FAM163A: variants seen among roughly 807,000 people sequenced by gnomAD.
FAM163A encodes the protein protein FAM163A.
In FAM163A, 7 loss-of-function variants were observed where a neutral mutation model predicts 12.0. The ratio of observed to expected loss-of-function variants is 0.58; its 90% CI spans 0.33 to 1.10. FAM163A has a LOEUF of 1.10. Ranked by LOEUF, FAM163A falls within the 50% of genes least tolerant of loss-of-function variation. The probability of loss-of-function intolerance (pLI) is 0.03; values close to 1 mark genes in which losing one functional copy is unlikely to be tolerated. For missense variants in FAM163A, 202 were observed against 218.6 expected (o/e 0.92, Z 0.48); for synonymous variants, 101 against 91.0 (o/e 1.11, Z -0.62).
intron 1 of FAM163A, among the ~76,000 whole-genome samples, chr1:179,768,466 G>T (rs938883315): frequency 1.3e-5 from 2 of 152,210 alleles, no homozygotes. Context: ...CTAACATGGT[G>T]TTAGTGAAAA....
At chr1:179,781,933 CAAA>C (rs58962319) in intron 1 of FAM163A, among the ~76,000 whole-genome samples, 41 of 119,394 alleles carry the variant, frequency 3.4e-4, no homozygotes, top group African/African-American at 9.8e-4. Context: ...GAATCCGTAT[CAAA>C]AAAAAAAAAA....
intron 1 of FAM163A, among the ~76,000 whole-genome samples, chr1:179,802,348 T>G (rs151180485): frequency 5.1e-4 from 78 of 152,330 alleles, no homozygotes; most frequent in African/African-American, 1.8e-3. Flanking sequence ...TCGCTGTTTC[T>G]CTTAGCACTG....
chr1:179,755,775 T>G (rs1216866430), intron 1 of FAM163A, among the ~76,000 whole-genome samples: 1 of 152,082 alleles, frequency 6.6e-6, no homozygotes, highest in African/African-American at 2.4e-5. Flanking sequence ...CATACAACCT[T>G]ACAGATGAGT....
chr1:179,782,172 C>T (rs1689867036), intron 1 of FAM163A, among the ~76,000 whole-genome samples: 1 of 152,088 alleles, frequency 6.6e-6, no homozygotes, highest in Non-Finnish European at 1.5e-5. Context: ...GGACAAGGAC[C>T]AGGCCTCTGT....
In FAM163A at chr1:179,762,965, A is replaced by G. The variant is rs114985176; in HGVS notation, c.-136+19542A>G. On this transcript the variant is annotated intron_variant, in intron 1 of 4. Coordinates refer to ENST00000341785, the MANE Select transcript of FAM163A (RefSeq NM_173509.3). ...CAAAAGACAAATCGACAGGAGAAAA[A>G]CAAATAGAAATTTGTCAACATGTAT... 7.6e-3 allele frequency among the ~76,000 whole-genome samples: 1,156 copies of G among 152,334 alleles called. 22 individuals are homozygous for G. The highest frequency in any genetic ancestry group is 0.026 in the African/African-American group (1,079 of 41,568).
intron 1 of FAM163A, among the ~76,000 whole-genome samples, chr1:179,746,869 T>C (rs1327297754): frequency 3.9e-5 from 6 of 152,130 alleles, no homozygotes; most frequent in Non-Finnish European, 8.8e-5. Flanking sequence ...TCCTTTGAAA[T>C]ATACAGAGTT....
At chr1:179,763,080 C>A (rs1687030301) in intron 1 of FAM163A, among the ~76,000 whole-genome samples, 2 of 152,152 alleles carry the variant, frequency 1.3e-5, no homozygotes. Context: ...CCATCTTCAG[C>A]TAAAGGCAAA....
At chr1:179,776,682 T>C (rs1689028871) in intron 1 of FAM163A, among the ~76,000 whole-genome samples, 1 of 152,198 alleles carries the variant, frequency 6.6e-6, no homozygotes, top group African/African-American at 2.4e-5. Flanking sequence ...TGCGAAATGG[T>C]CTTTAATTGG....
At chr1:179,737,262 A>G in the FAM163A span, among the ~76,000 whole-genome samples, 6 of 152,336 alleles carry the variant, frequency 3.9e-5, no homozygotes, top group African/African-American at 1.4e-4. Context: ...TTAGAAGAGG[A>G]AAAATATTGC....
the FAM163A span, among the ~76,000 whole-genome samples, chr1:179,732,713 T>C: frequency 2.0e-5 from 3 of 151,496 alleles, no homozygotes; most frequent in Non-Finnish European, 4.4e-5. Context: ...AAACCCTGTC[T>C]CTACTAAAAA....
At chr1:179,750,997 T>C (rs1334909659) in intron 1 of FAM163A, among the ~76,000 whole-genome samples, 3 of 152,056 alleles carry the variant, frequency 2.0e-5, no homozygotes, top group African/African-American at 4.8e-5. Flanking sequence ...TTTGTACCAG[T>C]GGTTGGTGAT....
rs1254568566 is a variant in FAM163A at position 179,815,103 on chromosome 1, GCGCGCGCACAGACA to G, written c.*916_*929del. ...CGTTCCCAGGTGTACGCACGCGCGC[GCGCGCGCACAGACA>G]CACACACACACACACACACACACAC... On this transcript the variant is annotated 3_prime_UTR_variant, in exon 5 of 5. Transcript: ENST00000341785. 3.8e-3 allele frequency: 443 copies of G among 117,534 alleles called. 4 individuals carry two copies. Among genetic ancestry groups the G allele is most frequent in the African/African-American group, 0.011 (267 of 25,062 alleles). The allele number at this position is 117,534 out of a possible 1,614,324, so 7.3% of individuals were successfully genotyped here. A position where few individuals can be genotyped will look rare whatever the true frequency, so the allele number is the denominator to read the frequency against.
At chr1:179,769,500 C>T (rs1687969601) in intron 1 of FAM163A, among the ~76,000 whole-genome samples, 1 of 152,190 alleles carries the variant, frequency 6.6e-6, no homozygotes, top group Non-Finnish European at 1.5e-5. Context: ...TAGGTCACAC[C>T]TGCCTCCCAC....
At chr1:179,777,026 C>T (rs1689075466) in intron 1 of FAM163A, among the ~76,000 whole-genome samples, 1 of 152,184 alleles carries the variant, frequency 6.6e-6, no homozygotes, top group Admixed American at 6.5e-5. Flanking sequence ...GGAGGTTTGT[C>T]CATGTTGTAG....
intron 1 of FAM163A, among the ~76,000 whole-genome samples, chr1:179,744,939 T>C (rs1684253729): frequency 6.6e-6 from 1 of 152,246 alleles, no homozygotes; most frequent in Non-Finnish European, 1.5e-5. Flanking sequence ...CGCTGGAGTC[T>C]GTGTCCTGAG....
chr1:179,740,078 G>C (rs1461967278), upstream of FAM163A, among the ~76,000 whole-genome samples: 1 of 152,156 alleles, frequency 6.6e-6, no homozygotes, highest in Non-Finnish European at 1.5e-5. Flanking sequence ...TTACAAACTA[G>C]AAATAGTTCT....
At chr1:179,791,100 C>T (rs1371383014) in intron 1 of FAM163A, among the ~76,000 whole-genome samples, 1 of 152,164 alleles carries the variant, frequency 6.6e-6, no homozygotes, top group East Asian at 1.9e-4. Context: ...GTGTCTTTGT[C>T]CCAGACAGAG....
At chr1:179,775,921 T>C (rs982224646) in intron 1 of FAM163A, among the ~76,000 whole-genome samples, 1 of 152,028 alleles carries the variant, frequency 6.6e-6, no homozygotes, top group African/African-American at 2.4e-5. Flanking sequence ...TTCCCCAGGG[T>C]CCTTGGCGGA....
chr1:179,774,468 C>T (rs776397473), intron 1 of FAM163A, among the ~76,000 whole-genome samples: 16 of 152,120 alleles, frequency 1.1e-4, no homozygotes, highest in South Asian at 6.2e-4. Context: ...CTTTTTTCTC[C>T]GGGAAGACTG....
Sources: gnomAD v4.1 joint callset for allele counts (sites outside exome capture counted in the v4.1 genomes callset) on GRCh38, gnomAD v4.1.1 for gene constraint, MANE v1.5 for transcripts, NCBI Gene and HGNC (gene_info 2026-07-23, HGNC 2026-07-21) for gene names.